Variants in CEP135 observed in about 807,000 individuals in gnomAD.
The protein encoded by CEP135 is centrosomal protein of 135 kDa.
In CEP135, 142 loss-of-function variants were observed where a neutral mutation model predicts 157.3. The observed-to-expected ratio is 0.90, with a 90% CI of 0.79 to 1.04. The LOEUF (loss-of-function observed/expected upper bound fraction) is 1.04, where lower values mean the gene tolerates loss of function less well. CEP135 is among the 50% of genes least tolerant of loss of function. The pLI, the probability that CEP135 is intolerant of heterozygous loss-of-function variation, is 0.00. For missense variants in CEP135, 1,317 were observed against 1,309.2 expected (o/e 1.01, Z -0.09); for synonymous variants, 396 against 439.8 (o/e 0.90, Z 1.25).
intron 9 of CEP135, among the ~76,000 whole-genome samples, chr4:55,969,714 A>G (rs556963359): frequency 1.3e-5 from 2 of 152,248 alleles, no homozygotes; most frequent in Admixed American, 6.5e-5. Context: ...AATTTTATGT[A>G]TAGTAGGTAG....
At chr4:55,974,651 T>C (rs1470063842) in intron 10 of CEP135, 95 bp from the exon 11 acceptor site, 3 of 862,308 alleles carry the variant, frequency 3.5e-6, no homozygotes, top group Non-Finnish European at 5.3e-6. Context: ...TGATTTCTAG[T>C]AGCTTTCATT....
At chr4:55,966,024 C>G in intron 8 of CEP135, 165 bp downstream of exon 8, 1 of 593,336 alleles carries the variant, frequency 1.7e-6, no homozygotes, top group Non-Finnish European at 3.0e-6. Flanking sequence ...GTTGTTTACA[C>G]CCTGTAAATG....
At chr4:56,020,029 GTA>G (rs1385758796) in intron 23 of CEP135, among the ~76,000 whole-genome samples, 1 of 152,166 alleles carries the variant, frequency 6.6e-6, no homozygotes, top group African/African-American at 2.4e-5. Context: ...GTGCAGACCT[GTA>G]TATCTTCACT....
chr4:55,959,949 C>G, intron 6 of CEP135, 183 bp downstream of exon 6: 2 of 622,892 alleles, frequency 3.2e-6, no homozygotes, highest in South Asian at 2.0e-5. Context: ...CTTAGCCTGT[C>G]TCTTCAAAAA....
chr4:55,986,270 C>T (rs1729577107), intron 14 of CEP135, among the ~76,000 whole-genome samples: 1 of 152,160 alleles, frequency 6.6e-6, no homozygotes, highest in South Asian at 2.1e-4. Context: ...GGCATAGTGG[C>T]TCATGCCTAT....
At chr4:55,996,050 G>T (rs2109708439) in intron 15 of CEP135, among the ~76,000 whole-genome samples, 1 of 152,156 alleles carries the variant, frequency 6.6e-6, no homozygotes, top group Non-Finnish European at 1.5e-5. Context: ...ATTTCTTTAG[G>T]TGTATTCAGA....
chr4:55,984,611 A>G (rs1729514951), intron 13 of CEP135, among the ~76,000 whole-genome samples: 1 of 152,228 alleles, frequency 6.6e-6, no homozygotes, highest in Non-Finnish European at 1.5e-5. Flanking sequence ...ATAAATACAT[A>G]CAATACAGTG....
At chr4:55,976,361 A>G (rs1305812873) in intron 11 of CEP135, among the ~76,000 whole-genome samples, 1 of 152,216 alleles carries the variant, frequency 6.6e-6, no homozygotes, top group East Asian at 1.9e-4. Context: ...AGGACTCAGG[A>G]AAAATAAGTG....
At chr4:56,018,009 G>T (rs1361167506) in intron 22 of CEP135, 152 bp downstream of exon 22, 1 of 667,720 alleles carries the variant, frequency 1.5e-6, no homozygotes, top group Non-Finnish European at 2.4e-6. Flanking sequence ...CGCTTAGGCT[G>T]GTGGAGTTCA....
intron 21 of CEP135, among the ~76,000 whole-genome samples, chr4:56,013,696 C>A (rs536739995): frequency 6.6e-6 from 1 of 152,044 alleles, no homozygotes; most frequent in East Asian, 1.9e-4. Context: ...CAATAGTTGG[C>A]CATTATTGTC....
chr4:56,017,344 G>T (rs1041480907), intron 21 of CEP135, among the ~76,000 whole-genome samples: 2 of 151,924 alleles, frequency 1.3e-5, no homozygotes, highest in South Asian at 2.1e-4. Flanking sequence ...AAAATTTAAT[G>T]CAACCTCAAA....
intron 25 of CEP135, 70 bp from the exon 26 acceptor site, chr4:56,031,289 GT>G (rs1731340330): frequency 6.6e-6 from 1 of 152,510 alleles, no homozygotes; most frequent in Non-Finnish European, 1.5e-5. Flanking sequence ...TTGAATTTCA[GT>G]TTTTTATGAA....
At chr4:55,982,432 A>T (rs903126981) in intron 13 of CEP135, among the ~76,000 whole-genome samples, 1 of 152,094 alleles carries the variant, frequency 6.6e-6, no homozygotes, top group Non-Finnish European at 1.5e-5. Flanking sequence ...TCTCACCATT[A>T]CTTGGTACTA....
intron 7 of CEP135, 46 bp downstream of exon 7, chr4:55,964,448 T>C (rs756760108): frequency 6.9e-7 from 1 of 1,456,376 alleles, no homozygotes; most frequent in Non-Finnish European, 9.4e-7. Context: ...TAATGGTGTT[T>C]ATAATAAACA....
chr4:55,974,405 T>C (rs1431880888), intron 10 of CEP135, among the ~76,000 whole-genome samples: 1 of 152,198 alleles, frequency 6.6e-6, no homozygotes, highest in Non-Finnish European at 1.5e-5. Flanking sequence ...TGATTGTTTA[T>C]AGATACATTT....
At chr4:55,975,150 A>G (rs1352512083) in intron 11 of CEP135, among the ~76,000 whole-genome samples, 181 bp downstream of exon 11, 2 of 152,260 alleles carry the variant, frequency 1.3e-5, no homozygotes, top group Admixed American at 6.5e-5. Context: ...TTACTTAAGA[A>G]CAAACTATAA....
intron 19 of CEP135, among the ~76,000 whole-genome samples, chr4:56,010,402 CA>C (rs111484022): frequency 5.8e-4 from 83 of 143,176 alleles, no homozygotes; most frequent in African/African-American, 1.7e-3. Context: ...GAGACTCTGT[CA>C]AAAAAAAAAC....
At chr4:56,030,199 A>G (rs907641290) in intron 25 of CEP135, among the ~76,000 whole-genome samples, 1 of 152,162 alleles carries the variant, frequency 6.6e-6, no homozygotes, top group Admixed American at 6.5e-5. Flanking sequence ...ATCTCCTGTG[A>G]TAACAGTGCC....
At chr4:56,009,008 C>T (rs918801946) in intron 18 of CEP135, among the ~76,000 whole-genome samples, 1 of 152,172 alleles carries the variant, frequency 6.6e-6, no homozygotes, top group African/African-American at 2.4e-5. Flanking sequence ...AGGTGATCCT[C>T]CCACCTCAGC....
Sources: gnomAD v4.1 joint callset for allele counts (sites outside exome capture counted in the v4.1 genomes callset) on GRCh38, gnomAD v4.1.1 for gene constraint, MANE v1.5 for transcripts, NCBI Gene and HGNC (gene_info 2026-07-23, HGNC 2026-07-21) for gene names.